ARHGAP26: variants seen among roughly 807,000 people sequenced by gnomAD.
ARHGAP26 encodes Rho GTPase activating protein 26.
A neutral mutation model predicts 104.8 loss-of-function variants in ARHGAP26; 38 were observed. The observed-to-expected ratio is 0.36, with a 90% CI of 0.28 to 0.48. ARHGAP26 has a LOEUF of 0.48. Among genes scored for constraint, ARHGAP26 ranks in the 20% least tolerant of loss-of-function variants. The pLI is 0.99. For missense variants in ARHGAP26, 704 were observed against 947.9 expected (o/e 0.74, Z 3.38); for synonymous variants, 341 against 340.0 (o/e 1.00, Z -0.03).
rs1386180176 is a variant in ARHGAP26 at position 142,907,772 on chromosome 5, G to C, written c.901G>C (p.Val301Leu). 1 of 1,611,326 alleles carries C rather than the reference G, an allele frequency of 6.2e-7. No individual in the cohort carries two copies. The highest frequency in any genetic ancestry group is 2.2e-5 in the East Asian group (1 of 44,844). The change falls in exon 9 of 23, where the codon GTA becomes CTA. Residue 301 changes from valine to leucine, a missense_variant. Val to Leu is a conservative substitution (Grantham distance 32). Coordinates refer to ENST00000645722, the MANE Select transcript of ARHGAP26 (RefSeq NM_001135608.3). ...YQRDSKQITMVPFDQKSGGKG... is the reference protein window; with the variant it reads ...YQRDSKQITMLPFDQKSGGKG... ...ACGGGATTCCAAACAAATCACCATG[G>C]TACCATTTGACCAAAAGTCAGGAGG...
chr5:143,059,188 G>A (rs771899131), intron 17 of ARHGAP26, among the ~76,000 whole-genome samples: 1 of 152,190 alleles, frequency 6.6e-6, no homozygotes, highest in Non-Finnish European at 1.5e-5. Context: ...GGTTCCAGGT[G>A]CACCCTCCAG....
intron 11 of ARHGAP26, among the ~76,000 whole-genome samples, chr5:142,963,196 A>ATGTGTGTGTGTG (rs1381593823): frequency 6.9e-4 from 69 of 100,676 alleles, no homozygotes; most frequent in African/African-American, 4.2e-3. Flanking sequence ...ATATATATAT[A>ATGTGTGTGTGTG]TATGTGTGTG....
intron 20 of ARHGAP26, among the ~76,000 whole-genome samples, chr5:143,161,526 T>C (rs1390907277): frequency 6.6e-6 from 1 of 152,224 alleles, no homozygotes; most frequent in African/African-American, 2.4e-5. Flanking sequence ...GAAAGCTCCA[T>C]TTTAAAGCAG....
At chr5:142,953,201 G>A (rs889913365) in intron 11 of ARHGAP26, among the ~76,000 whole-genome samples, 4 of 152,156 alleles carry the variant, frequency 2.6e-5, no homozygotes, top group African/African-American at 9.7e-5. Context: ...TACAAGGGAA[G>A]GTGAGCTGCT....
intron 14 of ARHGAP26, among the ~76,000 whole-genome samples, chr5:143,044,135 A>T (rs1192635640): frequency 2.0e-5 from 3 of 152,204 alleles, no homozygotes; most frequent in Non-Finnish European, 4.4e-5. Flanking sequence ...GATTATATCC[A>T]TTATAATGCT....
chr5:143,029,404 T>G (rs1030211160), intron 12 of ARHGAP26, among the ~76,000 whole-genome samples: 77 of 133,432 alleles, frequency 5.8e-4, no homozygotes, highest in African/African-American at 1.4e-3. Flanking sequence ...TTTTTTTTTT[T>G]TTTTTTTTTT....
chr5:142,944,097 A>C (rs1168909111), intron 11 of ARHGAP26, among the ~76,000 whole-genome samples: 2 of 152,162 alleles, frequency 1.3e-5, no homozygotes, highest in Non-Finnish European at 2.9e-5. Context: ...GGGTTTGTAG[A>C]GCCTCCTATC....
At chr5:143,085,924 A>G (rs1051026721) in intron 17 of ARHGAP26, among the ~76,000 whole-genome samples, 1 of 152,168 alleles carries the variant, frequency 6.6e-6, no homozygotes, top group African/African-American at 2.4e-5. Context: ...TTTTAGCTAC[A>G]TTTTCCCTAT....
At chr5:142,779,810 A>T (rs1044766456) in intron 1 of ARHGAP26, among the ~76,000 whole-genome samples, 1 of 152,186 alleles carries the variant, frequency 6.6e-6, no homozygotes, top group African/African-American at 2.4e-5. Context: ...GCCTTAGCAA[A>T]TTCCTGACTG....
At chr5:143,073,028 A>T (rs987130953) in intron 17 of ARHGAP26, among the ~76,000 whole-genome samples, 1 of 152,210 alleles carries the variant, frequency 6.6e-6, no homozygotes, top group Non-Finnish European at 1.5e-5. Context: ...TAATTTGTCC[A>T]TTAAAAAAAT....
intron 11 of ARHGAP26, among the ~76,000 whole-genome samples, chr5:143,005,758 T>G (rs755272879): frequency 2.6e-5 from 4 of 152,212 alleles, no homozygotes; most frequent in Non-Finnish European, 4.4e-5. Flanking sequence ...GTAATCATGT[T>G]TTGAACAGCA....
In ARHGAP26 at chr5:142,858,090, T is replaced by A. The variant is rs1434702664; in HGVS notation, c.155-15310T>A. Among the ~76,000 whole-genome samples the A allele has an allele frequency of 2.0e-4, 27 of 137,178 alleles. No homozygotes were observed. In the East Asian group the frequency reaches 5.9e-3, roughly 30 times the overall value. The allele number at this position is 137,178 out of a possible 152,430, so 90.0% of individuals were successfully genotyped here. On this transcript the variant is annotated intron_variant, in intron 1 of 22. Transcript: ENST00000645722. ...GTGTGTGTGTGTGTGTGTGTGTGTG[T>A]GTGTGAGAGAGAGAGAGAGAGGGAG...
intron 1 of ARHGAP26, among the ~76,000 whole-genome samples, chr5:142,812,498 C>T (rs548332241): frequency 1.3e-4 from 20 of 152,036 alleles, no homozygotes; most frequent in African/African-American, 3.4e-4. Context: ...CCACCATGCC[C>T]GGCTAATTTT....
intron 14 of ARHGAP26, among the ~76,000 whole-genome samples, chr5:143,042,190 T>G (rs746803610): frequency 3.9e-5 from 6 of 152,174 alleles, no homozygotes; most frequent in Non-Finnish European, 7.4e-5. Context: ...CACCACACCC[T>G]ACTCTGTCTT....
At chr5:143,049,505 A>G (rs1272844685) in intron 14 of ARHGAP26, among the ~76,000 whole-genome samples, 1 of 151,984 alleles carries the variant, frequency 6.6e-6, no homozygotes, top group African/African-American at 2.4e-5. Flanking sequence ...CCATATTTTT[A>G]GGATTTTACT....
At position 143,196,053 on chromosome 5, in the gene ARHGAP26, A is replaced by G. The variant is rs79178223; in HGVS notation, c.1989-11145A>G. On this transcript the variant is annotated intron_variant, in intron 20 of 22. Transcript: ENST00000645722. ...TAATATGTTAAGGTACTTACTGTTC[A>G]TATGTTTTAAGATAGGCTTGAACGT... Among the ~76,000 whole-genome samples, 703 of 152,278 alleles carry G rather than the reference A, an allele frequency of 4.6e-3. 13 individuals are homozygous for G. The East Asian group carries it at 0.062, about 14-fold the overall frequency.
chr5:142,948,239 G>A (rs929116377), intron 11 of ARHGAP26, among the ~76,000 whole-genome samples: 12 of 152,004 alleles, frequency 7.9e-5, no homozygotes, highest in African/African-American at 2.4e-4. Context: ...AGGTCAGAAG[G>A]CTTATTAGAG....
At chr5:143,180,147 A>G (rs61027802) in intron 20 of ARHGAP26, among the ~76,000 whole-genome samples, 11,206 of 151,904 alleles carry the variant, frequency 0.074, 1,397 homozygotes, top group African/African-American at 0.25. Flanking sequence ...TTGTTTTGAG[A>G]TGGAGTTGCA....
chr5:142,995,952 G>A (rs1206789611), intron 11 of ARHGAP26, among the ~76,000 whole-genome samples: 3 of 152,046 alleles, frequency 2.0e-5, no homozygotes, highest in Admixed American at 6.5e-5. Flanking sequence ...TATAAGTTGT[G>A]TTCTCACAAC....
Sources: gnomAD v4.1 joint callset for allele counts (sites outside exome capture counted in the v4.1 genomes callset) on GRCh38, gnomAD v4.1.1 for gene constraint, MANE v1.5 for transcripts, NCBI Gene and HGNC (gene_info 2026-07-23, HGNC 2026-07-21) for gene names.